The following ANKRD17 variants were observed in gnomAD, a reference collection of about 807,000 sequenced individuals.
The protein encoded by ANKRD17 is ankyrin repeat domain 17.
A neutral mutation model predicts 229.7 loss-of-function variants in ANKRD17; 19 were observed. That is an observed-to-expected ratio of 0.08 (90% CI 0.06 to 0.12). The LOEUF (loss-of-function observed/expected upper bound fraction) is 0.12, where lower values mean the gene tolerates loss of function less well. ANKRD17 is among the 10% of genes least tolerant of loss of function. The probability of loss-of-function intolerance (pLI) is 1.00; values close to 1 mark genes in which losing one functional copy is unlikely to be tolerated. For missense variants in ANKRD17, 2,176 were observed against 3,176.8 expected, an observed-to-expected ratio of 0.68 and a Z score of 7.57; for synonymous variants, 1,112 against 1,146.1, an observed-to-expected ratio of 0.97 and a Z score of 0.60.
At chr4:73,233,612 C>T (rs1056441661) in intron 1 of ANKRD17, among the ~76,000 whole-genome samples, 2 of 152,096 alleles carry the variant, frequency 1.3e-5, no homozygotes, top group African/African-American at 4.8e-5. Flanking sequence ...TCCCACTCAC[C>T]CTCCCATCCC....
chr4:73,090,598 A>T, intron 29 of ANKRD17, 69 bp downstream of exon 29: 1 of 1,583,534 alleles, frequency 6.3e-7, no homozygotes, highest in Non-Finnish European at 8.6e-7. Context: ...AATATTAGAA[A>T]ATGACCAAGA....
chr4:73,074,743 GA>G lies in ANKRD17; in HGVS notation c.*1487del, dbSNP rs1410761448. 2 of 152,106 alleles carry G rather than the reference GA, an allele frequency of 1.3e-5. No homozygotes were observed. The highest frequency in any genetic ancestry group is 1.3e-4 in the Admixed American group (2 of 15,208). The allele number at this position is 152,106 out of a possible 1,614,324, so 9.4% of individuals were successfully genotyped here. A position where few individuals can be genotyped will look rare whatever the true frequency, so the allele number is the denominator to read the frequency against. On this transcript the variant is annotated 3_prime_UTR_variant, in exon 34 of 34. Transcript: ENST00000358602. Reference sequence around the variant, plus strand: ...GTTAGTTTTTATGTTTTACCAGTGTGAAATTTTATGTCTAATTAAAAAAAAA... The same window carrying G: ...GTTAGTTTTTATGTTTTACCAGTGTGAATTTTATGTCTAATTAAAAAAAAA...
chr4:73,165,988 C>T (rs1733178904), intron 2 of ANKRD17, among the ~76,000 whole-genome samples: 1 of 152,212 alleles, frequency 6.6e-6, no homozygotes, highest in Non-Finnish European at 1.5e-5. Context: ...GCCTTGAGAC[C>T]ATAAGCAAGA....
At chr4:73,170,403 GC>G (rs1178201107) in intron 2 of ANKRD17, among the ~76,000 whole-genome samples, 1 of 151,912 alleles carries the variant, frequency 6.6e-6, no homozygotes, top group Non-Finnish European at 1.5e-5. Context: ...GAGCCCTTGG[GC>G]CCTGAAGAAC....
chr4:73,132,060 A>T (rs1024685129), intron 16 of ANKRD17, among the ~76,000 whole-genome samples: 4 of 151,802 alleles, frequency 2.6e-5, no homozygotes, highest in African/African-American at 9.7e-5. Flanking sequence ...GTATAAAAGG[A>T]TCTTCATTTT....
chr4:73,127,422 C>T (rs1727617610), intron 16 of ANKRD17, among the ~76,000 whole-genome samples: 1 of 152,200 alleles, frequency 6.6e-6, no homozygotes, highest in Admixed American at 6.5e-5. Context: ...TTTCTTTTCA[C>T]ATTTTTTAAT....
At chr4:73,256,099 GT>G (rs1226290621) in intron 1 of ANKRD17, among the ~76,000 whole-genome samples, 1 of 152,150 alleles carries the variant, frequency 6.6e-6, no homozygotes, top group African/African-American at 2.4e-5. Flanking sequence ...TTAACACCAT[GT>G]AAAAGACAGG....
rs1045409774 is a variant in ANKRD17 at position 73,102,708 on chromosome 4, A to C, written c.4402-161T>G. The C allele has an allele frequency of 5.6e-6, 4 of 710,522 alleles. No individual in the cohort carries two copies. In the Admixed American group the frequency reaches 1.0e-4, roughly 18 times the overall value. 44.0% of individuals were successfully genotyped at this position (710,522 alleles called of 1,614,324 possible). ...CAAGATCATATTCAAACCACTCTAA[A>C]GAGACAATATTTTTACAATATCAAG... On this transcript the variant is annotated intron_variant, in intron 24 of 33. Transcript: ENST00000358602.
At chr4:73,173,637 A>G (rs937759729) in intron 2 of ANKRD17, among the ~76,000 whole-genome samples, 1 of 152,234 alleles carries the variant, frequency 6.6e-6, no homozygotes, top group Admixed American at 6.5e-5. Flanking sequence ...GTGAGTTCCC[A>G]AAGTACAAGA....
rs1730391824 is a variant in ANKRD17, at chr4:73,147,143, C to T, written c.1759+98G>A. The T allele has an allele frequency of 1.1e-5, 13 of 1,175,266 alleles. 1 individual carries two copies. Among genetic ancestry groups the T allele is most frequent in the Middle Eastern group, 4.1e-4 (2 of 4,846 alleles). The allele number at this position is 1,175,266 out of a possible 1,614,324, so 72.8% of individuals were successfully genotyped here. A position where few individuals can be genotyped will look rare whatever the true frequency, so the allele number is the denominator to read the frequency against. ...TATCACACGTTTTTTTAAACTCACA[C>T]ATTCAGTGTATCATAGCATCATAAA... On this transcript the variant is annotated intron_variant, in intron 9 of 33. Transcript: ENST00000358602.
chr4:73,243,780 C>A (rs1027800192), intron 1 of ANKRD17, among the ~76,000 whole-genome samples: 1 of 152,140 alleles, frequency 6.6e-6, no homozygotes, highest in Non-Finnish European at 1.5e-5. Flanking sequence ...GATATGGCTG[C>A]GTAAGAAATT....
chr4:73,216,899 C>A (rs943283716), intron 1 of ANKRD17, among the ~76,000 whole-genome samples: 1 of 152,282 alleles, frequency 6.6e-6, no homozygotes, highest in South Asian at 2.1e-4. Flanking sequence ...ATTATAAACA[C>A]CTTGTGAAAA....
chr4:73,165,717 G>T (rs914082933), intron 2 of ANKRD17, among the ~76,000 whole-genome samples: 15 of 152,188 alleles, frequency 9.9e-5, no homozygotes, highest in Non-Finnish European at 1.3e-4. Context: ...GAAAGGCAGA[G>T]ATTTCTTTGG....
intron 1 of ANKRD17, among the ~76,000 whole-genome samples, chr4:73,178,146 G>A (rs1385503309): frequency 6.6e-6 from 1 of 152,126 alleles, no homozygotes. Context: ...AAGTATTGTT[G>A]TTTTCCTTAA....
intron 2 of ANKRD17, among the ~76,000 whole-genome samples, chr4:73,166,891 G>C (rs1040940277): frequency 6.6e-6 from 1 of 151,918 alleles, no homozygotes; most frequent in African/African-American, 2.4e-5. Context: ...ACCTGGTTTG[G>C]ATCCTGATTT....
chr4:73,148,783 A>G (rs1362195843), intron 8 of ANKRD17, 30 bp downstream of exon 8: 2 of 1,578,138 alleles, frequency 1.3e-6, no homozygotes, highest in East Asian at 2.2e-5. Context: ...TTACACATTT[A>G]TACTTTAGTG....
intron 1 of ANKRD17, among the ~76,000 whole-genome samples, chr4:73,202,546 T>A (rs1325386689): frequency 6.6e-6 from 1 of 152,086 alleles, no homozygotes; most frequent in African/African-American, 2.4e-5. Flanking sequence ...GAGAGAGATT[T>A]CATTGAACAC....
At chr4:73,114,960 T>G (rs1322611096) in intron 23 of ANKRD17, among the ~76,000 whole-genome samples, 1 of 152,214 alleles carries the variant, frequency 6.6e-6, no homozygotes, top group Non-Finnish European at 1.5e-5. Flanking sequence ...AATTAGGATC[T>G]CTAATAGGAT....
chr4:73,099,390 C>G (rs915049813), intron 25 of ANKRD17, among the ~76,000 whole-genome samples: 7 of 152,140 alleles, frequency 4.6e-5, no homozygotes, highest in Non-Finnish European at 8.8e-5. Flanking sequence ...CTCCCCGCAA[C>G]CACCCACACA....
Sources: gnomAD v4.1 joint callset for allele counts (sites outside exome capture counted in the v4.1 genomes callset) on GRCh38, gnomAD v4.1.1 for gene constraint, MANE v1.5 for transcripts, NCBI Gene and HGNC (gene_info 2026-07-23, HGNC 2026-07-21) for gene names.